SOX5: variants seen among roughly 807,000 people sequenced by gnomAD.
The protein encoded by SOX5 is transcription factor SOX-5.
A neutral mutation model predicts 92.0 loss-of-function variants in SOX5; 9 were observed. That is an observed-to-expected ratio of 0.10 (90% CI 0.06 to 0.17). The LOEUF (loss-of-function observed/expected upper bound fraction) is 0.17, where lower values mean the gene tolerates loss of function less well. SOX5 is among the 10% of genes least tolerant of loss of function. The probability of loss-of-function intolerance (pLI) is 1.00; values close to 1 mark genes in which losing one functional copy is unlikely to be tolerated. For missense variants in SOX5, 642 were observed against 944.5 expected, an observed-to-expected ratio of 0.68 and a Z score of 4.20; for synonymous variants, 344 against 336.3, an observed-to-expected ratio of 1.02 and a Z score of -0.25.
rs375195920 is a variant in SOX5 at position 24,492,033 on chromosome 12, C to A, written c.-251+70296G>T. Among the ~76,000 whole-genome samples, 17 of 152,070 alleles carry A rather than the reference C, an allele frequency of 1.1e-4. No individual in the cohort carries two copies. In the East Asian group the frequency reaches 2.7e-3, roughly 24 times the overall value. On this transcript the variant is annotated intron_variant, in intron 1 of 4. Transcript: ENST00000446891. Reference sequence around the variant, plus strand: ...CTTTGGTTAAAGCAAGAGCTACAAGCAGACACACATACATTCTCACCCACC... The same window carrying A: ...CTTTGGTTAAAGCAAGAGCTACAAGAAGACACACATACATTCTCACCCACC...
rs533852763 is a variant in SOX5, at chr12:24,410,904, A to C, written c.-250-42265T>G. Among the ~76,000 whole-genome samples, 5 of 152,344 alleles carry C rather than the reference A, an allele frequency of 3.3e-5. No homozygotes were observed. In the South Asian group the frequency reaches 1.0e-3, roughly 32 times the overall value. ...GTTAAGCCTGTGTGTCAGTTTGAGG[A>C]GAACTGCCATCTTTGCCATGTTGAG... On this transcript the variant is annotated intron_variant, in intron 1 of 4. Coordinates refer to the SOX5 transcript ENST00000446891.
intron 4 of SOX5, among the ~76,000 whole-genome samples, chr12:23,749,357 A>C (rs2094110818): frequency 1.3e-5 from 2 of 151,936 alleles, no homozygotes; most frequent in Admixed American, 6.6e-5. Context: ...TAATACTATA[A>C]GTATTCTTAC....
intron 2 of SOX5, among the ~76,000 whole-genome samples, chr12:24,287,297 T>C (rs12310747): frequency 0.3 from 45,210 of 152,138 alleles, 7,448 homozygotes; most frequent in African/African-American, 0.45. Context: ...TCAGATATGA[T>C]TATTTAAAGC....
chr12:24,072,326 G>C (rs1057096564), intron 4 of SOX5, among the ~76,000 whole-genome samples: 5 of 152,124 alleles, frequency 3.3e-5, no homozygotes, highest in African/African-American at 9.6e-5. Context: ...GCTCCTAAAA[G>C]AAATAAAAAC....
chr12:23,762,053 T>C (rs2094576373), intron 3 of SOX5, among the ~76,000 whole-genome samples: 1 of 151,572 alleles, frequency 6.6e-6, no homozygotes, highest in Admixed American at 6.6e-5. Context: ...GTTCAATTCA[T>C]GTTGACAATA....
chr12:24,034,846 C>T (rs1479440701), intron 4 of SOX5, among the ~76,000 whole-genome samples: 1 of 152,082 alleles, frequency 6.6e-6, no homozygotes, highest in Non-Finnish European at 1.5e-5. Flanking sequence ...GTACTGTATA[C>T]AATTAGGCTG....
intron 2 of SOX5, among the ~76,000 whole-genome samples, chr12:23,863,888 T>G (rs2096783714): frequency 6.6e-6 from 1 of 151,692 alleles, no homozygotes; most frequent in Non-Finnish European, 1.5e-5. Flanking sequence ...TGTCCCTACT[T>G]TGTGAAAAGC....
intron 1 of SOX5, among the ~76,000 whole-genome samples, chr12:23,920,905 T>A (rs796245112): frequency 1.8e-4 from 27 of 152,288 alleles, no homozygotes; most frequent in African/African-American, 6.5e-4. Context: ...GAAAAGGGCA[T>A]ATAAAATTTT....
At chr12:23,593,115 T>C (rs1320017371) in intron 9 of SOX5, among the ~76,000 whole-genome samples, 1 of 151,954 alleles carries the variant, frequency 6.6e-6, no homozygotes, top group Non-Finnish European at 1.5e-5. Flanking sequence ...TACTGTTTCC[T>C]TAAAAAAAAT....
At chr12:24,357,712 G>A (rs570133363) in intron 2 of SOX5, among the ~76,000 whole-genome samples, 7 of 151,892 alleles carry the variant, frequency 4.6e-5, no homozygotes, top group South Asian at 2.1e-4. Flanking sequence ...GCGTGGTGGC[G>A]TGGGCCTGTA....
chr12:24,286,442 C>A (rs896176521), intron 2 of SOX5, among the ~76,000 whole-genome samples: 4 of 152,130 alleles, frequency 2.6e-5, no homozygotes, highest in African/African-American at 9.7e-5. Context: ...GAGGGCCAGT[C>A]ATAAAGTACA....
intron 4 of SOX5, among the ~76,000 whole-genome samples, chr12:24,137,552 A>G (rs1269521142): frequency 6.6e-6 from 1 of 152,156 alleles, no homozygotes; most frequent in Non-Finnish European, 1.5e-5. Flanking sequence ...CAAACACTTG[A>G]ACCCTGGAGA....
intron 4 of SOX5, among the ~76,000 whole-genome samples, chr12:24,193,451 A>C (rs1457818559): frequency 6.6e-6 from 1 of 152,254 alleles, no homozygotes; most frequent in African/African-American, 2.4e-5. Flanking sequence ...AACATTTGCT[A>C]TCCTTGGCTG....
intron 1 of SOX5, among the ~76,000 whole-genome samples, chr12:24,475,715 C>T (rs1458304114): frequency 1.3e-5 from 2 of 152,192 alleles, no homozygotes; most frequent in African/African-American, 4.8e-5. Context: ...GGTGCAGTGG[C>T]TCACACCTGT....
rs1038626247 is a variant in SOX5, at chr12:23,692,357, A to G, written c.811-26793T>C. 7.3e-5 allele frequency among the ~76,000 whole-genome samples: 11 copies of G among 150,874 alleles called. No homozygotes were observed. In the East Asian group the frequency reaches 2.0e-3, roughly 27 times the overall value. ...GAGGCTGAGGCAGGAGAATCACTTG[A>G]TCCCAGGAGGTGGAGGTTGCATTGA... On this transcript the variant is annotated intron_variant, in intron 6 of 14. Transcript: ENST00000451604.
chr12:24,445,600 T>C (rs1382463018), intron 1 of SOX5, among the ~76,000 whole-genome samples: 1 of 152,220 alleles, frequency 6.6e-6, no homozygotes, highest in Non-Finnish European at 1.5e-5. Flanking sequence ...TTTGTTGTGA[T>C]CAAGACAGAG....
Position 23,573,317 on chromosome 12 carries a change from G to A in SOX5, c.1342+2344C>T, listed in dbSNP as rs537987643. On this transcript the variant is annotated intron_variant, in intron 10 of 14. Coordinates refer to ENST00000451604, the MANE Select transcript of SOX5 (RefSeq NM_006940.6). ...TAACTTTATTTCTTCATATTCTTCC[G>A]CTCTGTATAACTGGAAATCTATTCA... 1.7e-3 allele frequency among the ~76,000 whole-genome samples: 262 copies of A among 152,026 alleles called. 1 individual carries two copies. Among genetic ancestry groups the A allele is most frequent in the Middle Eastern group, 6.8e-3 (2 of 294 alleles).
At chr12:24,465,918 G>A (rs1387435856) in intron 1 of SOX5, among the ~76,000 whole-genome samples, 1 of 152,076 alleles carries the variant, frequency 6.6e-6, no homozygotes, top group Non-Finnish European at 1.5e-5. Context: ...CCCCATAGAT[G>A]GGAAACACTC....
rs2075153040 is a variant in SOX5 at position 23,605,621 on chromosome 12, G to A, written c.1018-1088C>T. ...AAATGCTCTCAAGGAGAAGTACTGT[G>A]AAATAGTTATCTGGATTATCTTGAT... On this transcript the variant is annotated intron_variant, in intron 8 of 14. Coordinates refer to ENST00000451604, the MANE Select transcript of SOX5 (RefSeq NM_006940.6). 2.0e-5 allele frequency among the ~76,000 whole-genome samples: 3 copies of A among 151,824 alleles called. No homozygotes were observed. In the South Asian group the frequency reaches 6.2e-4, roughly 31 times the overall value.
Sources: allele counts gnomAD v4.1 joint callset (sites outside exome capture counted in the v4.1 genomes callset), GRCh38; gene constraint gnomAD v4.1.1; transcripts MANE v1.5; gene names NCBI Gene and HGNC (gene_info 2026-07-23, HGNC 2026-07-21).